The following SLC4A7 variants were observed in gnomAD, a reference collection of about 807,000 sequenced individuals.
The protein encoded by SLC4A7 is solute carrier family 4 member 7, also known as sodium bicarbonate cotransporter 3.
In SLC4A7, 51 loss-of-function variants were observed where a neutral mutation model predicts 137.6. The observed-to-expected ratio is 0.37, with a 90% CI of 0.30 to 0.47. The LOEUF (loss-of-function observed/expected upper bound fraction) is 0.47, where lower values mean the gene tolerates loss of function less well. Ranked by LOEUF, SLC4A7 falls within the 20% of genes least tolerant of loss-of-function variation. The probability of loss-of-function intolerance (pLI) is 1.00; values close to 1 mark genes in which losing one functional copy is unlikely to be tolerated. For missense variants in SLC4A7, 1,247 were observed against 1,525.4 expected (o/e 0.82, Z 3.04); for synonymous variants, 542 against 518.6 (o/e 1.05, Z -0.61).
chr3:27,483,771 C>G (rs1017875421), intron 1 of SLC4A7, among the ~76,000 whole-genome samples: 1 of 151,978 alleles, frequency 6.6e-6, no homozygotes, highest in Non-Finnish European at 1.5e-5. Flanking sequence ...GTCGGGGTCA[C>G]AGGCGGCCTC....
intron 17 of SLC4A7, 157 bp downstream of exon 17, chr3:27,398,035 C>T: frequency 1.6e-6 from 1 of 639,546 alleles, no homozygotes; most frequent in East Asian, 2.7e-5. Flanking sequence ...TGAGCTCAGG[C>T]ACGTAATATA....
chr3:27,483,949 G>A (rs1559868138), intron 1 of SLC4A7, 118 bp downstream of exon 1: 1 of 730,816 alleles, frequency 1.4e-6, no homozygotes, highest in Non-Finnish European at 1.8e-6. Context: ...GGAGGTGGAG[G>A]GGCGACGGGC....
At chr3:27,448,626 C>G in intron 3 of SLC4A7, 25 bp downstream of exon 3, 1 of 1,589,068 alleles carries the variant, frequency 6.3e-7, no homozygotes, top group African/African-American at 1.4e-5. Context: ...CTTTAAACTG[C>G]TAAAGAAGAA....
chr3:27,423,848 A>T lies in SLC4A7; in HGVS notation c.1266+189T>A, dbSNP rs915711263. On this transcript the variant is annotated intron_variant, in intron 8 of 25. Transcript: ENST00000454389. ...ATGGTGTAAAGTTATTCAAGTACTC[A>T]CAGGTTAACTGTAACCCTTCTCACA... The T allele has an allele frequency of 1.4e-4, 74 of 512,252 alleles. 1 individual carries two copies. Among genetic ancestry groups the T allele is most frequent in the Middle Eastern group, 1.0e-3 (2 of 1,986 alleles). 31.7% of individuals were successfully genotyped at this position (512,252 alleles called of 1,614,324 possible). A position where few individuals can be genotyped will look rare whatever the true frequency, so the allele number is the denominator to read the frequency against.
At chr3:27,452,389 C>T (rs367975733) in intron 2 of SLC4A7, 28 bp downstream of exon 2, 12 of 1,403,774 alleles carry the variant, frequency 8.5e-6, no homozygotes, top group Admixed American at 3.8e-5. Flanking sequence ...TCCTACTAAG[C>T]GAAGTAAGTT....
chr3:27,437,592 G>T (rs2056836300), intron 3 of SLC4A7, 66 bp from the exon 4 acceptor site: 2 of 1,102,230 alleles, frequency 1.8e-6, no homozygotes, highest in Non-Finnish European at 1.2e-6. Context: ...TAAATTCACA[G>T]TTTTGAAAAT....
intron 21 of SLC4A7, 84 bp downstream of exon 21, chr3:27,391,652 GAATA>G (rs1325725605): frequency 1.9e-5 from 15 of 771,880 alleles, no homozygotes; most frequent in African/African-American, 5.3e-5. Context: ...TCAGAGTTGA[GAATA>G]AATCACTACC....
At chr3:27,448,568 T>TAA (rs1191303566) in intron 3 of SLC4A7, 83 bp downstream of exon 3, 6 of 1,230,786 alleles carry the variant, frequency 4.9e-6, no homozygotes, top group Middle Eastern at 4.1e-4. Flanking sequence ...ATACAATTTT[T>TAA]AAAAGAAATA....
chr3:27,411,203 A>T (rs1332385637), intron 12 of SLC4A7, among the ~76,000 whole-genome samples: 1 of 152,168 alleles, frequency 6.6e-6, no homozygotes, highest in Admixed American at 6.5e-5. Flanking sequence ...ATGCTTGTCC[A>T]TGGAAGATTA....
chr3:27,406,594 T>C (rs1382041524), intron 13 of SLC4A7, among the ~76,000 whole-genome samples: 1 of 152,102 alleles, frequency 6.6e-6, no homozygotes, highest in African/African-American at 2.4e-5. Flanking sequence ...TCAATTACAA[T>C]AAGCATATTT....
At chr3:27,397,177 G>A (rs113882416) in intron 18 of SLC4A7, among the ~76,000 whole-genome samples, 9,081 of 152,078 alleles carry the variant, frequency 0.06, 907 homozygotes, top group African/African-American at 0.21. Context: ...ACAGGCGCCC[G>A]CCACCACGCC....
At chr3:27,406,776 C>CA (rs1397569586) in intron 13 of SLC4A7, among the ~76,000 whole-genome samples, 5 of 151,802 alleles carry the variant, frequency 3.3e-5, no homozygotes, top group Non-Finnish European at 7.4e-5. Context: ...CAAAAAAATA[C>CA]AAAAAATTAG....
chr3:27,427,460 T>C (rs1403028130), intron 7 of SLC4A7, among the ~76,000 whole-genome samples: 2 of 152,082 alleles, frequency 1.3e-5, no homozygotes, highest in Non-Finnish European at 2.9e-5. Flanking sequence ...TACATATTAA[T>C]TTATACAATT....
intron 12 of SLC4A7, among the ~76,000 whole-genome samples, chr3:27,410,154 T>C (rs1377460427): frequency 1.3e-5 from 2 of 152,226 alleles, no homozygotes; most frequent in African/African-American, 2.4e-5. Context: ...CAGGTTTCAA[T>C]TAGTAGATTA....
chr3:27,389,000 T>A (rs940249002), intron 22 of SLC4A7, among the ~76,000 whole-genome samples: 1 of 152,142 alleles, frequency 6.6e-6, no homozygotes, highest in Non-Finnish European at 1.5e-5. Context: ...TCTCCATATC[T>A]CTGGTTATCG....
At chr3:27,413,905 A>G (rs530316008) in intron 11 of SLC4A7, among the ~76,000 whole-genome samples, 4 of 149,830 alleles carry the variant, frequency 2.7e-5, no homozygotes, top group Non-Finnish European at 1.5e-5. Flanking sequence ...TTAGAAAAGG[A>G]GGAATAATAC....
At chr3:27,409,959 C>T (rs917857651) in intron 12 of SLC4A7, among the ~76,000 whole-genome samples, 1 of 152,168 alleles carries the variant, frequency 6.6e-6, no homozygotes, top group East Asian at 1.9e-4. Context: ...TATCCAAATA[C>T]ACTTTAATAT....
intron 1 of SLC4A7, among the ~76,000 whole-genome samples, chr3:27,453,437 A>G (rs1424007167): frequency 1.3e-5 from 2 of 152,144 alleles, no homozygotes; most frequent in Non-Finnish European, 2.9e-5. Context: ...AACATGGAGA[A>G]ACCCCATCTC....
intron 23 of SLC4A7, among the ~76,000 whole-genome samples, chr3:27,385,526 T>C (rs986923072): frequency 1.3e-5 from 2 of 152,214 alleles, no homozygotes; most frequent in African/African-American, 4.8e-5. Context: ...TCTCAGATAA[T>C]ATACTCTGAG....
Sources: allele counts gnomAD v4.1 joint callset (sites outside exome capture counted in the v4.1 genomes callset), GRCh38; gene constraint gnomAD v4.1.1; transcripts MANE v1.5; gene names NCBI Gene and HGNC (gene_info 2026-07-23, HGNC 2026-07-21).